Variants in ASCL5 observed in about 807,000 individuals in gnomAD.
ASCL5 encodes the protein achaete-scute homolog 5.
For missense variants in ASCL5, 262 were observed against 268.9 expected, an observed-to-expected ratio of 0.97 and a Z score of 0.18; for synonymous variants, 124 against 131.5, an observed-to-expected ratio of 0.94 and a Z score of 0.39.
chr1:201,116,524 C>A (rs1390179643), intron 1 of ASCL5, among the ~76,000 whole-genome samples: 1 of 152,160 alleles, frequency 6.6e-6, no homozygotes, highest in African/African-American at 2.4e-5. Flanking sequence ...ATGCCCTGAG[C>A]CTAGCCCAGC....
rs1454494600 is a variant in ASCL5 at position 201,127,164 on chromosome 1, G to A, written c.-586C>T. The A allele has an allele frequency of 2.6e-5, 4 of 152,708 alleles. No individual in the cohort carries two copies. The highest frequency in any genetic ancestry group is 7.2e-5 in the African/African-American group (3 of 41,472). The allele number at this position is 152,708 out of a possible 1,614,324, so 9.5% of individuals were successfully genotyped here. On this transcript the variant is annotated 5_prime_UTR_variant, in exon 1 of 2. Transcript: ENST00000449188. ...CCTGGGGGGACTGCGGAATCTCCGG[G>A]GCTGCCCGCCTGCCCAGCAGCACCT...
chr1:201,118,752 C>T (rs1401059222), intron 1 of ASCL5, among the ~76,000 whole-genome samples: 1 of 152,114 alleles, frequency 6.6e-6, no homozygotes, highest in East Asian at 1.9e-4. Context: ...ATCATAGCTA[C>T]ACTTATTATT....
Position 201,114,872 on chromosome 1 carries a change from G to T in ASCL5, c.501C>A (p.Pro167=), listed in dbSNP as rs1175088609. The T allele has an allele frequency of 1.6e-6, 2 of 1,228,404 alleles. No homozygotes were observed. The highest frequency in any genetic ancestry group is 2.0e-6 in the Non-Finnish European group (2 of 985,906). The allele number at this position is 1,228,404 out of a possible 1,614,324, so 76.1% of individuals were successfully genotyped here. Residue 167 remains proline (P), a synonymous_variant, in exon 2 of 2, where the codon CCC becomes CCA. Transcript: ENST00000449188. ...TGPCPAPPAT[P]RPDRPGDGEA... ...CGCCGTCGCCAGGGCGGTCGGGACGGGGGGTGGCGGGCGGCGCGGGGCAGG... is the reference window on the plus strand; with the variant it reads ...CGCCGTCGCCAGGGCGGTCGGGACGTGGGGTGGCGGGCGGCGCGGGGCAGG...
chr1:201,117,494 C>T (rs1236802205), intron 1 of ASCL5, among the ~76,000 whole-genome samples: 1 of 152,160 alleles, frequency 6.6e-6, no homozygotes. Context: ...TATCCCTCCC[C>T]TTCTCAGTGG....
rs192065835 is a variant in ASCL5, at chr1:201,120,972, A to G, written c.-505-5095T>C. Among the ~76,000 whole-genome samples the G allele has an allele frequency of 3.5e-4, 53 of 152,382 alleles. 1 individual carries two copies. In the East Asian group the frequency reaches 6.4e-3, roughly 18 times the overall value. ...ATTTGTAAGGAAGCCCCAAGGACTC[A>G]GAATGACAGAACTCATTAGCTTTGT... On this transcript the variant is annotated intron_variant, in intron 1 of 1. Transcript: ENST00000449188.
At chr1:201,125,699 T>C (rs980106560) in intron 1 of ASCL5, among the ~76,000 whole-genome samples, 8 of 152,186 alleles carry the variant, frequency 5.3e-5, no homozygotes, top group African/African-American at 1.7e-4. Context: ...AGGAACCTCA[T>C]GCTCCCTCTG....
At position 201,115,658 on chromosome 1, in the gene ASCL5, C is replaced by T. The variant is rs926680331; in HGVS notation, c.-286G>A. The T allele has an allele frequency of 4.0e-6, 1 of 251,340 alleles. No homozygotes were observed. Among genetic ancestry groups the T allele is most frequent in the Non-Finnish European group, 7.5e-6 (1 of 133,068 alleles). The allele number at this position is 251,340 out of a possible 1,614,324, so 15.6% of individuals were successfully genotyped here. A position where few individuals can be genotyped will look rare whatever the true frequency, so the allele number is the denominator to read the frequency against. The stretch of plus-strand genomic sequence containing the variant: ...AGGGCCCGCACCCCGTTCCGCAGCA[C>T]CCATGGGCATGGCCACAGACCCGCC... On this transcript the variant is annotated 5_prime_UTR_variant, in exon 2 of 2. It adds an upstream start codon to the 5' untranslated region. Coordinates refer to ENST00000449188, the MANE Select transcript of ASCL5 (RefSeq NM_001270601.2).
chr1:201,122,973 T>A (rs1663512635), intron 1 of ASCL5, among the ~76,000 whole-genome samples: 1 of 152,202 alleles, frequency 6.6e-6, no homozygotes, highest in African/African-American at 2.4e-5. Flanking sequence ...ACGTGGCACC[T>A]AAAAGCAATT....
At chr1:201,123,969 A>T (rs971920034) in intron 1 of ASCL5, among the ~76,000 whole-genome samples, 2 of 152,170 alleles carry the variant, frequency 1.3e-5, no homozygotes, top group African/African-American at 4.8e-5. Context: ...GTGACTAGGA[A>T]CCCAGTATTT....
At position 201,114,700 on chromosome 1, in the gene ASCL5, T is replaced by G. The variant is rs1159707903; in HGVS notation, c.*52A>C. ...AACAGCCTCCCGCTGCTCCCGAAAG[T>G]GGGACGGGGCCGGCGGATCATCCTC... is the stretch of plus-strand genomic sequence containing the variant. On this transcript the variant is annotated 3_prime_UTR_variant, in exon 2 of 2. Coordinates refer to ENST00000449188, the MANE Select transcript of ASCL5 (RefSeq NM_001270601.2). 2.4e-6 allele frequency: 3 copies of G among 1,227,588 alleles called. No individual in the cohort carries two copies. Among genetic ancestry groups the G allele is most frequent in the Non-Finnish European group, 3.0e-6 (3 of 984,942 alleles). 76.0% of individuals were successfully genotyped at this position (1,227,588 alleles called of 1,614,324 possible). A position where few individuals can be genotyped will look rare whatever the true frequency, so the allele number is the denominator to read the frequency against.
In ASCL5 at chr1:201,114,511, C is replaced by T. The variant is rs942671137; in HGVS notation, c.*241G>A. On this transcript the variant is annotated 3_prime_UTR_variant, in exon 2 of 2. Transcript: ENST00000449188. ...AGGACGCCCGGAGCAGTCCCAGGCC[C>T]TGCCCCTCGCTTCACCCACGGAGCT... 8 of 350,750 alleles carry T rather than the reference C, an allele frequency of 2.3e-5. No homozygotes were observed. The highest frequency in any genetic ancestry group is 8.5e-5 in the African/African-American group (4 of 47,134). The allele number at this position is 350,750 out of a possible 1,614,324, so 21.7% of individuals were successfully genotyped here.
At chr1:201,122,955 T>C (rs1663512199) in intron 1 of ASCL5, among the ~76,000 whole-genome samples, 1 of 152,212 alleles carries the variant, frequency 6.6e-6, no homozygotes, top group Non-Finnish European at 1.5e-5. Context: ...AGGTAATGTA[T>C]GTGAGCCACG....
rs758038811 is a variant in ASCL5, at chr1:201,114,253, T to G, written c.*499A>C. On this transcript the variant is annotated 3_prime_UTR_variant, in exon 2 of 2. Transcript: ENST00000449188. ...CCTCCCATCCCTTCCTCTGGGTTCC[T>G]TTCTCGAGGAGTAAGCGTGCTCCCA... 6.6e-6 allele frequency: 1 copy of G among 152,482 alleles called. No individual in the cohort carries two copies. The highest frequency in any genetic ancestry group is 1.5e-5 in the Non-Finnish European group (1 of 68,252). 9.4% of individuals were successfully genotyped at this position (152,482 alleles called of 1,614,324 possible).
At chr1:201,119,033 C>T (rs1215022298) in intron 1 of ASCL5, among the ~76,000 whole-genome samples, 1 of 152,172 alleles carries the variant, frequency 6.6e-6, no homozygotes, top group East Asian at 1.9e-4. Flanking sequence ...TTACACTGAC[C>T]TAACAAAAGG....
intron 1 of ASCL5, among the ~76,000 whole-genome samples, chr1:201,117,772 C>T (rs963155912): frequency 6.6e-6 from 1 of 152,186 alleles, no homozygotes; most frequent in African/African-American, 2.4e-5. Flanking sequence ...ATGGCACATT[C>T]TCTTTAAGGT....
chr1:201,115,662 T>A lies in ASCL5; in HGVS notation c.-290A>T. 1 of 241,576 alleles carries A rather than the reference T, an allele frequency of 4.1e-6. No individual in the cohort carries two copies. The highest frequency in any genetic ancestry group is 7.9e-6 in the Non-Finnish European group (1 of 126,690). 15.0% of individuals were successfully genotyped at this position (241,576 alleles called of 1,614,324 possible). A position where few individuals can be genotyped will look rare whatever the true frequency, so the allele number is the denominator to read the frequency against. ...CCCGCACCCCGTTCCGCAGCACCCA[T>A]GGGCATGGCCACAGACCCGCCCACC... On this transcript the variant is annotated 5_prime_UTR_variant, in exon 2 of 2. It removes an upstream start codon present in the reference 5' UTR. Coordinates refer to ENST00000449188, the MANE Select transcript of ASCL5 (RefSeq NM_001270601.2).
intron 1 of ASCL5, among the ~76,000 whole-genome samples, chr1:201,121,640 A>G (rs1356379909): frequency 1.3e-5 from 2 of 152,140 alleles, no homozygotes; most frequent in Non-Finnish European, 2.9e-5. Flanking sequence ...TAGGTTCTGC[A>G]TACTTTAGTA....
intron 1 of ASCL5, among the ~76,000 whole-genome samples, chr1:201,122,886 T>C (rs903284308): frequency 6.6e-6 from 1 of 152,208 alleles, no homozygotes. Context: ...TATAAGCCTG[T>C]TGCCTCATCT....
chr1:201,125,366 C>T (rs1049135849), intron 1 of ASCL5, among the ~76,000 whole-genome samples: 6 of 152,212 alleles, frequency 3.9e-5, no homozygotes, highest in East Asian at 1.9e-4. Context: ...TCAGCTTCAG[C>T]GTGAACATAA....
Sources: gnomAD v4.1 joint callset for allele counts (sites outside exome capture counted in the v4.1 genomes callset) on GRCh38, gnomAD v4.1.1 for gene constraint, MANE v1.5 for transcripts, NCBI Gene and HGNC (gene_info 2026-07-23, HGNC 2026-07-21) for gene names.